The following MTCH2 variants were observed in gnomAD, a reference collection of about 807,000 sequenced individuals.
MTCH2 encodes the protein mitochondrial carrier homolog 2.
MTCH2 carries 25 observed loss-of-function variants against 50.6 expected under a neutral mutation model. That is an observed-to-expected ratio of 0.49 (90% CI 0.36 to 0.69). MTCH2 has a LOEUF of 0.69. MTCH2 is among the 30% of genes least tolerant of loss of function. MTCH2 has a pLI of 0.00. For missense variants in MTCH2, 273 were observed against 384.4 expected (o/e 0.71, Z 2.42); for synonymous variants, 106 against 132.0 (o/e 0.80, Z 1.35).
the MTCH2 span, among the ~76,000 whole-genome samples, chr11:47,606,065 C>T: frequency 6.6e-6 from 1 of 152,196 alleles, no homozygotes; most frequent in South Asian, 2.1e-4. Context: ...TCCTTTTCGC[C>T]GCAGCTTTCA....
At chr11:47,615,046 T>G (rs1351265634), downstream of MTCH2, among the ~76,000 whole-genome samples, 2 of 129,094 alleles carry the variant, frequency 1.5e-5, no homozygotes, top group African/African-American at 5.9e-5. Flanking sequence ...TTTTTTTTTT[T>G]TTTTTTTTTT....
intron 3 of MTCH2, among the ~76,000 whole-genome samples, chr11:47,637,223 C>T (rs973562928): frequency 1.3e-5 from 2 of 152,104 alleles, no homozygotes; most frequent in African/African-American, 4.8e-5. Flanking sequence ...CTGCTGACCT[C>T]GGCTGATCCA....
chr11:47,604,356 T>C, the MTCH2 span, among the ~76,000 whole-genome samples: 1 of 152,202 alleles, frequency 6.6e-6, no homozygotes, highest in Non-Finnish European at 1.5e-5. Flanking sequence ...CAATGAGGTT[T>C]ATTATACATT....
At chr11:47,617,004 C>T (rs542995388), downstream of MTCH2, among the ~76,000 whole-genome samples, 1 of 152,052 alleles carries the variant, frequency 6.6e-6, no homozygotes, top group African/African-American at 2.4e-5. Flanking sequence ...CTTAATGGCA[C>T]CTACCTGCAT....
downstream of MTCH2, among the ~76,000 whole-genome samples, chr11:47,614,348 ACTT>A (rs2097287173): frequency 6.6e-6 from 1 of 152,188 alleles, no homozygotes; most frequent in Non-Finnish European, 1.5e-5. Flanking sequence ...GACAATTAGA[ACTT>A]CTACAACAGG....
intron 3 of MTCH2, among the ~76,000 whole-genome samples, chr11:47,636,995 G>A (rs1391370187): frequency 1.5e-5 from 2 of 137,324 alleles, no homozygotes; most frequent in African/African-American, 5.4e-5. Context: ...TTTCACTCTT[G>A]TCACCCAGCT....
In MTCH2 at chr11:47,642,557, A is replaced by G; in HGVS notation, c.-92T>C. ...GTCACGTGCCAGGGCCGCCGGTTTC[A>G]CTGGCCCGCCCGCGGCGCGCGCGCA... On this transcript the variant is annotated 5_prime_UTR_variant, in exon 1 of 13. Transcript: ENST00000302503. 7.7e-6 allele frequency: 9 copies of G among 1,168,182 alleles called. No homozygotes were observed. The highest frequency in any genetic ancestry group is 3.1e-5 in the East Asian group (1 of 32,758). 72.4% of individuals were successfully genotyped at this position (1,168,182 alleles called of 1,614,324 possible).
At chr11:47,610,218 C>A in the MTCH2 span, among the ~76,000 whole-genome samples, 1 of 152,144 alleles carries the variant, frequency 6.6e-6, no homozygotes, top group Non-Finnish European at 1.5e-5. Context: ...TGGCAGAAAT[C>A]CAGCTTTGAA....
chr11:47,604,724 A>G, the MTCH2 span, among the ~76,000 whole-genome samples: 1 of 152,212 alleles, frequency 6.6e-6, no homozygotes, highest in African/African-American at 2.4e-5. Context: ...ATGAGGAATC[A>G]TTTTGTATAC....
At chr11:47,631,846 A>G in intron 5 of MTCH2, 135 bp from the exon 6 acceptor site, 1 of 806,890 alleles carries the variant, frequency 1.2e-6, no homozygotes, top group Non-Finnish European at 2.0e-6. Flanking sequence ...GCTGGAGTCA[A>G]GAAGAGTTTG....
At chr11:47,631,505 T>C (rs1363522854) in intron 6 of MTCH2, 149 bp downstream of exon 6, 3 of 668,656 alleles carry the variant, frequency 4.5e-6, no homozygotes, top group Non-Finnish European at 7.6e-6. Flanking sequence ...GACATTTTGC[T>C]ATCTGGATAA....
intron 11 of MTCH2, among the ~76,000 whole-genome samples, chr11:47,623,458 G>A (rs1405375454): frequency 2.7e-5 from 4 of 150,498 alleles, no homozygotes; most frequent in African/African-American, 7.3e-5. Flanking sequence ...ACATGAAAAC[G>A]GATATAAACA....
At chr11:47,642,289 G>A (rs2097315014) in intron 1 of MTCH2, 90 bp downstream of exon 1, 4 of 1,124,770 alleles carry the variant, frequency 3.6e-6, no homozygotes, top group African/African-American at 1.6e-5. Context: ...AGAATGAAAG[G>A]CCCGCAAGGC....
At chr11:47,620,108 C>A (rs993597967) in intron 12 of MTCH2, among the ~76,000 whole-genome samples, 2 of 150,860 alleles carry the variant, frequency 1.3e-5, no homozygotes, top group Non-Finnish European at 3.0e-5. Context: ...AACAAAAAAA[C>A]AAACAAACAA....
intron 3 of MTCH2, among the ~76,000 whole-genome samples, chr11:47,635,905 A>G (rs960871374): frequency 6.6e-6 from 1 of 152,108 alleles, no homozygotes; most frequent in South Asian, 2.1e-4. Flanking sequence ...AGGTGGGCAG[A>G]TCACCTGAGG....
At chr11:47,621,309 A>ATACGCTTTCTTCTACAATCTTTTT (rs1167530718) in intron 12 of MTCH2, among the ~76,000 whole-genome samples, 2 of 152,222 alleles carry the variant, frequency 1.3e-5, no homozygotes, top group Non-Finnish European at 2.9e-5. Context: ...GAGCTTCTTT[A>ATACGCTTTCTTCTACAATCTTTTT]TACGCTTTCT....
intron 10 of MTCH2, 29 bp from the exon 11 acceptor site, chr11:47,625,770 T>C (rs376518855): frequency 2.5e-6 from 4 of 1,574,704 alleles, no homozygotes; most frequent in Non-Finnish European, 3.5e-6. Flanking sequence ...GCAGCTGTTA[T>C]TAGATCATTC....
chr11:47,628,715 T>C (rs1184582494), intron 9 of MTCH2, among the ~76,000 whole-genome samples: 1 of 152,040 alleles, frequency 6.6e-6, no homozygotes, highest in African/African-American at 2.4e-5. Flanking sequence ...GCTGGGACTA[T>C]AGGCACGCAC....
chr11:47,609,140 A>AGAAAAAAG, the MTCH2 span, among the ~76,000 whole-genome samples: 1 of 93,336 alleles, frequency 1.1e-5, no homozygotes, highest in South Asian at 3.4e-4. Context: ...AAAAAAAAAA[A>AGAAAAAAG]AAAAAAGAAA....
Sources: allele counts gnomAD v4.1 joint callset (sites outside exome capture counted in the v4.1 genomes callset), GRCh38; gene constraint gnomAD v4.1.1; transcripts MANE v1.5; gene names NCBI Gene and HGNC (gene_info 2026-07-23, HGNC 2026-07-21).